CD63: variants seen among roughly 807,000 people sequenced by gnomAD.
CD63 encodes the protein CD63 antigen.
In CD63, 16 loss-of-function variants were observed where a neutral mutation model predicts 29.2. The observed-to-expected ratio is 0.55, with a 90% confidence interval of 0.37 to 0.83. CD63 has a LOEUF of 0.83. Ranked by LOEUF, CD63 falls within the 40% of genes least tolerant of loss-of-function variation. CD63 has a pLI of 0.00. For missense variants in CD63, 251 were observed against 297.3 expected, an observed-to-expected ratio of 0.84 and a Z score of 1.15; for synonymous variants, 118 against 111.7, an observed-to-expected ratio of 1.06 and a Z score of -0.36.
chr12:55,723,603 A>G (rs1313423834), downstream of CD63: 1 of 432,186 alleles, frequency 2.3e-6, no homozygotes, highest in Non-Finnish European at 4.3e-6. Context: ...AGTACCTGAT[A>G]ATATCATTAA....
chr12:55,723,994 G>A (rs1877065693), downstream of CD63: 1 of 1,613,568 alleles, frequency 6.2e-7, no homozygotes, highest in Non-Finnish European at 8.5e-7. Flanking sequence ...AGGCCTGCTG[G>A]GCACGGCTGC....
chr12:55,726,102 T>C lies in CD63; in HGVS notation c.567+19A>G. On this transcript the variant is annotated intron_variant, in intron 6 of 7. Transcript: ENST00000257857. ...CATTTCCCAGGTTTCCCAAGTCCCA[T>C]ACACAGTCTCCTCCCTACCTCCTTA... The C allele has an allele frequency of 6.2e-7, 1 of 1,613,684 alleles. No individual in the cohort carries two copies.
upstream of CD63, chr12:55,729,478 T>C (rs1262312798): frequency 6.6e-6 from 1 of 152,432 alleles, no homozygotes; most frequent in Non-Finnish European, 1.5e-5. Flanking sequence ...GCTCCAACTC[T>C]GTGCAAGCCC....
chr12:55,729,047 G>A, upstream of CD63: 1 of 985,314 alleles, frequency 1.0e-6, no homozygotes, highest in Non-Finnish European at 1.2e-6. Context: ...CTGCCGCGCG[G>A]CCCCGCCCCG....
At chr12:55,726,027 C>A in intron 6 of CD63, 94 bp downstream of exon 6, 13 of 1,521,860 alleles carry the variant, frequency 8.5e-6, no homozygotes, top group Non-Finnish European at 1.2e-5. Context: ...AGATCCCCTC[C>A]CCATCCCTGA....
chr12:55,726,331 A>ATTT (rs1877342263), intron 5 of CD63, 70 bp from the exon 6 acceptor site: 15 of 555,152 alleles, frequency 2.7e-5, no homozygotes, highest in African/African-American at 1.1e-4. Context: ...GGAGATGAGA[A>ATTT]TTCTTTTTTT....
Position 55,726,702 on chromosome 12 carries a change from C to G in CD63, c.424G>C (p.Asp142His). 6.2e-7 allele frequency: 1 copy of G among 1,612,968 alleles called. No homozygotes were observed. The highest frequency in any genetic ancestry group is 8.5e-7 in the Non-Finnish European group (1 of 1,179,030). ...TASILDRMQA[D>H]FKCCGAANYT... ...CTGCTCCCAGCAACCCCACTCACAT[C>G]TGCCTGCATCCTGTCCAGGATCGAA... Residue 142 changes from aspartate to histidine, a missense_variant and splice_region_variant, in exon 5 of 8, where the codon GAT becomes CAT. Asp to His is a moderately conservative substitution (Grantham distance 81, BLOSUM62 -1). Coordinates refer to ENST00000257857, the MANE Select transcript of CD63 (RefSeq NM_001780.6).
chr12:55,725,945 C>G, intron 6 of CD63, 49 bp from the exon 7 acceptor site: 2 of 1,557,384 alleles, frequency 1.3e-6, no homozygotes, highest in Non-Finnish European at 1.8e-6. Context: ...AAACTTCCCA[C>G]CCCAACCCCC....
chr12:55,723,937 C>T (rs1877061125), downstream of CD63: 1 of 1,614,180 alleles, frequency 6.2e-7, no homozygotes, highest in African/African-American at 1.3e-5. Context: ...AGCCTGGCTT[C>T]TTCCGAACCC....
chr12:55,727,653 A>C lies in CD63; in HGVS notation c.67-314T>G, dbSNP rs562131693. 3.6e-6 allele frequency: 4 copies of C among 1,119,088 alleles called. No homozygotes were observed. The South Asian group carries it at 1.3e-4, about 35-fold the overall frequency. 69.3% of individuals were successfully genotyped at this position (1,119,088 alleles called of 1,614,324 possible). ...TACAGGCCTCCAGGGCTCCCAGCTC[A>C]ATTCTCTCCCAGAACTGCCCCCTCA... On this transcript the variant is annotated intron_variant, in intron 2 of 7. Transcript: ENST00000257857.
downstream of CD63, chr12:55,724,488 C>T: frequency 6.2e-7 from 1 of 1,613,710 alleles, no homozygotes; most frequent in South Asian, 1.1e-5. Flanking sequence ...TGCCAGCCAG[C>T]CTGGTGGATG....
intron 5 of CD63, 21 bp downstream of exon 5, chr12:55,726,679 G>GCTC: frequency 1.0e-5 from 16 of 1,588,174 alleles, no homozygotes; most frequent in Non-Finnish European, 1.4e-5. Context: ...CACCACCCCT[G>GCTC]CTCCCAGCAA....
Position 55,728,249 on chromosome 12 carries a change from C to T in CD63, c.66+27G>A. 6.3e-7 allele frequency: 1 copy of T among 1,593,480 alleles called. No individual in the cohort carries two copies. Among genetic ancestry groups the T allele is most frequent in the Non-Finnish European group, 8.6e-7 (1 of 1,167,364 alleles). On this transcript the variant is annotated intron_variant, in intron 2 of 7. Transcript: ENST00000257857. This position sits in a 1 kb window ranked among gnomAD's most constrained non-coding sequence, Gnocchi z 4.8. ...CAGGTCTCCCCGCACCCTGCCGGCG[C>T]GCCCCCCAGGACCCCTCGCCACTCA...
Position 55,727,178 on chromosome 12 carries a change from GCA to G in CD63, c.226_227del (p.Cys76GlnfsTer32). Reference protein sequence around the residue: ...LVAFVGCCGACKENYCLMITF... With the variant: ...LVAFVGCCGAXKENYCLMITF... The stretch of plus-strand genomic sequence containing the variant: ...TGATCATAAGACAATAGTTCTCCTT[GCA>G]GGCCCCGCAGCAGCCCACAAAAGCC... On this transcript the variant is annotated frameshift_variant, in exon 3 of 8. Coordinates refer to ENST00000257857, the MANE Select transcript of CD63 (RefSeq NM_001780.6). LOFTEE classifies it high-confidence loss of function. 1 of 1,613,424 alleles carries G rather than the reference GCA, an allele frequency of 6.2e-7. No homozygotes were observed. The highest frequency in any genetic ancestry group is 8.5e-7 in the Non-Finnish European group (1 of 1,179,894).
chr12:55,726,786 C>CT lies in CD63; in HGVS notation c.339dup (p.Glu114ArgfsTer3). On this transcript the variant is annotated frameshift_variant, in exon 5 of 8. Transcript: ENST00000257857. LOFTEE classifies it high-confidence loss of function. Reference sequence around the variant, plus strand: ...TGCTGCCGGAAGTTGTTATTAAACTCTGACATCACCTGAGAGTACGGAGGA... The same window carrying CT: ...TGCTGCCGGAAGTTGTTATTAAACTCTTGACATCACCTGAGAGTACGGAGGA... 2 of 1,613,714 alleles carry CT rather than the reference C, an allele frequency of 1.2e-6. No homozygotes were observed. The highest frequency in any genetic ancestry group is 1.7e-6 in the Non-Finnish European group (2 of 1,179,588).
Position 55,728,544 on chromosome 12 carries a change from G to T in CD63, c.-11-192C>A. The T allele has an allele frequency of 7.0e-7, 1 of 1,432,290 alleles. No homozygotes were observed. Among genetic ancestry groups the T allele is most frequent in the Non-Finnish European group, 9.1e-7 (1 of 1,098,436 alleles). 88.7% of individuals were successfully genotyped at this position (1,432,290 alleles called of 1,614,324 possible). Reference sequence around the variant, plus strand: ...CAGGAGAGGGGTGGGGGCGACGGCCGCGAAGCCCGGACCCCGCCCCGCCGC... The same window carrying T: ...CAGGAGAGGGGTGGGGGCGACGGCCTCGAAGCCCGGACCCCGCCCCGCCGC... On this transcript the variant is annotated intron_variant, in intron 1 of 7. Coordinates refer to ENST00000257857, the MANE Select transcript of CD63 (RefSeq NM_001780.6). The surrounding 1 kb of genome is among the most constrained non-coding windows in gnomAD (Gnocchi z 4.8).
rs1565657278 is a variant in CD63 at position 55,725,646 on chromosome 12, CA to C, written c.652-21del. The C allele has an allele frequency of 5.6e-6, 9 of 1,612,428 alleles. No individual in the cohort carries two copies. Among genetic ancestry groups the C allele is most frequent in the East Asian group, 2.2e-5 (1 of 44,886 alleles). On this transcript the variant is annotated intron_variant, in intron 7 of 7. Coordinates refer to ENST00000257857, the MANE Select transcript of CD63 (RefSeq NM_001780.6). Reference sequence around the variant, plus strand: ...CAAAACCTAGAAGGAAAGATGGGGACAGGGGTGGAGAGGAGTCAGAAGGGCT... The same window carrying C: ...CAAAACCTAGAAGGAAAGATGGGGACGGGGTGGAGAGGAGTCAGAAGGGCT...
chr12:55,729,705 C>T (rs1877787995), upstream of CD63: 2 of 152,250 alleles, frequency 1.3e-5, no homozygotes, highest in African/African-American at 4.8e-5. Flanking sequence ...TCCCCGAAGC[C>T]ACGCTACCCA....
intron 6 of CD63, 109 bp downstream of exon 6, chr12:55,726,012 T>C: frequency 7.3e-7 from 1 of 1,362,762 alleles, no homozygotes; most frequent in Non-Finnish European, 1.0e-6. Flanking sequence ...ACCCTTAGCA[T>C]TTCCAGATCC....
Sources: gnomAD v4.1 joint callset for allele counts on GRCh38, gnomAD v4.1.1 for gene constraint, Gnocchi (gnomAD v3.1) non-coding constraint, MANE v1.5 for transcripts, NCBI Gene and HGNC (gene_info 2026-07-23, HGNC 2026-07-21) for gene names.